Variants in ATXN1 observed in about 807,000 individuals in gnomAD.
ATXN1 encodes ataxin 1.
ATXN1 carries 8 observed loss-of-function variants against 56.4 expected under a neutral mutation model. The observed-to-expected ratio is 0.14, with a 90% CI of 0.08 to 0.26. ATXN1 has a LOEUF of 0.26. ATXN1 is among the 10% of genes least tolerant of loss of function. The probability of loss-of-function intolerance (pLI) is 1.00; values close to 1 mark genes in which losing one functional copy is unlikely to be tolerated. For synonymous variants in ATXN1, 514 were observed against 494.6 expected (o/e 1.04, Z -0.52); for missense variants, 987 against 1,106.5 (o/e 0.89, Z 1.53).
At chr6:16,521,055 G>A (rs1010621162) in intron 5 of ATXN1, among the ~76,000 whole-genome samples, 1 of 152,000 alleles carries the variant, frequency 6.6e-6, no homozygotes, top group Admixed American at 6.6e-5. Context: ...GAAATGTTTT[G>A]GAAATAAGTG....
intron 2 of ATXN1, among the ~76,000 whole-genome samples, chr6:16,686,357 G>A (rs1022582567): frequency 1.3e-5 from 2 of 152,062 alleles, no homozygotes; most frequent in African/African-American, 2.4e-5. Flanking sequence ...ATCTGATAAC[G>A]CACTGTGAAT....
intron 3 of ATXN1, among the ~76,000 whole-genome samples, chr6:16,606,809 T>C (rs1022530845): frequency 6.7e-6 from 1 of 150,324 alleles, no homozygotes; most frequent in African/African-American, 2.4e-5. Context: ...ATTACAAGCA[T>C]GAGCCATCAC....
rs1007898339 is a variant in ATXN1, at chr6:16,486,204, C to T, written c.-298-95G>A. 8 of 152,252 alleles carry T rather than the reference C, an allele frequency of 5.3e-5. No individual in the cohort carries two copies. In the East Asian group the frequency reaches 5.8e-4, roughly 11 times the overall value. 9.4% of individuals were successfully genotyped at this position (152,252 alleles called of 1,614,324 possible). A position where few individuals can be genotyped will look rare whatever the true frequency, so the allele number is the denominator to read the frequency against. Reference sequence around the variant, plus strand: ...AAATACAGTCTCACGACCAATTAGACGAATTGATAGTTCACCAAAGACCAT... The same window carrying T: ...AAATACAGTCTCACGACCAATTAGATGAATTGATAGTTCACCAAAGACCAT... On this transcript the variant is annotated intron_variant, in intron 5 of 7. Transcript: ENST00000436367.
rs1272156861 is a variant in ATXN1 at position 16,579,491 on chromosome 6, C to G, written c.-361+6289G>C. ...GTACCTTGGTCAAAGCCCCCCCCCC[C>G]CACCCGCCGATTCATTCCCAAGTCC... On this transcript the variant is annotated intron_variant, in intron 4 of 7. Transcript: ENST00000436367. 1.4e-4 allele frequency among the ~76,000 whole-genome samples: 6 copies of G among 41,846 alleles called. 2 individuals carry two copies. The highest frequency in any genetic ancestry group is 2.7e-4 in the Non-Finnish European group (5 of 18,394). 27.5% of individuals were successfully genotyped at this position (41,846 alleles called of 152,430 possible).
At chr6:16,635,263 CA>C (rs757355432) in intron 3 of ATXN1, among the ~76,000 whole-genome samples, 14 of 152,206 alleles carry the variant, frequency 9.2e-5, no homozygotes, top group Non-Finnish European at 1.5e-4. Context: ...TGCAGGAAAA[CA>C]AGCTCAAGGA....
chr6:16,470,972 A>G (rs1371620330), intron 6 of ATXN1, among the ~76,000 whole-genome samples: 1 of 152,150 alleles, frequency 6.6e-6, no homozygotes, highest in African/African-American at 2.4e-5. Context: ...AGGTACCTAG[A>G]CTGATGTGAG....
rs1330026649 is a variant in ATXN1 at position 16,748,705 on chromosome 6, A to G, written c.-615+4528T>C. On this transcript the variant is annotated intron_variant, in intron 2 of 7. Transcript: ENST00000436367. ...GCTCATTAAATAATTGCAGACAAGA[A>G]CGATCTGCCCCTGGAGTTGTTTGCT... is the stretch of plus-strand genomic sequence containing the variant. Among the ~76,000 whole-genome samples, 3 of 152,318 alleles carry G rather than the reference A, an allele frequency of 2.0e-5. No homozygotes were observed. The East Asian group carries it at 5.8e-4, about 29-fold the overall frequency.
chr6:16,518,799 T>C (rs537920947), intron 5 of ATXN1, among the ~76,000 whole-genome samples: 120 of 152,254 alleles, frequency 7.9e-4, no homozygotes, highest in African/African-American at 2.9e-3. Flanking sequence ...CAAAGACAAA[T>C]TCAATACAGT....
rs71559655 is a variant in ATXN1 at position 16,731,454 on chromosome 6, CTTTTTTTTTTTTTTT to C, written c.-615+21764_-615+21778del. 4.4e-3 allele frequency among the ~76,000 whole-genome samples: 362 copies of C among 81,830 alleles called. 1 individual carries two copies. In the Middle Eastern group the frequency reaches 0.048, roughly 11 times the overall value. The allele number at this position is 81,830 out of a possible 152,430, so 53.7% of individuals were successfully genotyped here. A position where few individuals can be genotyped will look rare whatever the true frequency, so the allele number is the denominator to read the frequency against. On this transcript the variant is annotated intron_variant, in intron 2 of 7. Transcript: ENST00000436367. Reference sequence around the variant, plus strand: ...ACGAGAGAGGCTTTTTTTTTCTTTTCTTTTTTTTTTTTTTTTTTTTTTTTTTTTTAATAAAAACGG... The same window carrying C: ...ACGAGAGAGGCTTTTTTTTTCTTTTCTTTTTTTTTTTTTTAATAAAAACGG...
chr6:16,520,417 C>T (rs1370610318), intron 5 of ATXN1, among the ~76,000 whole-genome samples: 3 of 152,116 alleles, frequency 2.0e-5, no homozygotes, highest in Non-Finnish European at 4.4e-5. Context: ...CATCAAAGTG[C>T]TCATGACCCC....
chr6:16,758,305 T>A (rs527741341), intron 1 of ATXN1, among the ~76,000 whole-genome samples: 1 of 152,368 alleles, frequency 6.6e-6, no homozygotes, highest in Admixed American at 6.5e-5. Flanking sequence ...AGTGACTGAC[T>A]GCAAGGCCAA....
At chr6:16,497,448 G>A (rs1017038822) in intron 5 of ATXN1, among the ~76,000 whole-genome samples, 17 of 152,086 alleles carry the variant, frequency 1.1e-4, no homozygotes, top group Admixed American at 9.8e-4. Flanking sequence ...ATCCACCTTC[G>A]AGGCAATCAG....
At chr6:16,503,737 G>A (rs1438136430) in intron 5 of ATXN1, among the ~76,000 whole-genome samples, 2 of 152,172 alleles carry the variant, frequency 1.3e-5, no homozygotes, top group African/African-American at 4.8e-5. Flanking sequence ...GGATGGGTGA[G>A]TGGATGACAT....
intron 3 of ATXN1, among the ~76,000 whole-genome samples, chr6:16,633,258 T>C (rs932971125): frequency 6.6e-6 from 1 of 152,202 alleles, no homozygotes; most frequent in African/African-American, 2.4e-5. Context: ...GGCACTGCCA[T>C]AAATCTTTTC....
chr6:16,616,309 G>A (rs959903693), intron 3 of ATXN1, among the ~76,000 whole-genome samples: 1 of 151,788 alleles, frequency 6.6e-6, no homozygotes, highest in African/African-American at 2.4e-5. Context: ...GGAGGCCAAG[G>A]TGGGTGGCTC....
intron 2 of ATXN1, among the ~76,000 whole-genome samples, chr6:16,688,766 T>C (rs1205807303): frequency 6.6e-6 from 1 of 152,236 alleles, no homozygotes; most frequent in Non-Finnish European, 1.5e-5. Context: ...TAAAATGCAA[T>C]GCCATTCTAA....
At chr6:16,651,213 C>T (rs1763886434) in intron 3 of ATXN1, among the ~76,000 whole-genome samples, 3 of 152,192 alleles carry the variant, frequency 2.0e-5, no homozygotes, top group East Asian at 1.9e-4. Context: ...AACAGGGGCC[C>T]GAGAGTGGAG....
chr6:16,707,704 T>C (rs773689390), intron 2 of ATXN1, among the ~76,000 whole-genome samples: 35 of 151,994 alleles, frequency 2.3e-4, no homozygotes, highest in Non-Finnish European at 4.7e-4. Flanking sequence ...CTGGGGAAAA[T>C]AGCAGACTGA....
intron 6 of ATXN1, among the ~76,000 whole-genome samples, chr6:16,435,910 T>C (rs547163486): frequency 2.6e-5 from 4 of 152,084 alleles, no homozygotes; most frequent in Non-Finnish European, 5.9e-5. Context: ...TTTTCTTTTT[T>C]TTTTGGAGAC....
Sources: allele counts gnomAD v4.1 joint callset (sites outside exome capture counted in the v4.1 genomes callset), GRCh38; gene constraint gnomAD v4.1.1; transcripts MANE v1.5; gene names NCBI Gene and HGNC (gene_info 2026-07-23, HGNC 2026-07-21).